Variants in FUT6 observed in about 807,000 individuals in gnomAD.
The protein encoded by FUT6 is fucosyltransferase 6, also known as 4-galactosyl-N-acetylglucosaminide 3-alpha-L-fucosyltransferase FUT6.
For synonymous variants in FUT6, 187 were observed against 209.9 expected (o/e 0.89, Z 0.94); for missense variants, 454 against 494.6 (o/e 0.92, Z 0.78).
intron 2 of FUT6, among the ~76,000 whole-genome samples, chr19:5,833,064 G>A (rs2057129173): frequency 6.6e-6 from 1 of 152,206 alleles, no homozygotes; most frequent in African/African-American, 2.4e-5. Flanking sequence ...GGTGCTCCTG[G>A]CAGAGGAAAC....
In FUT6 at chr19:5,830,773, A is replaced by C; in HGVS notation, c.*715T>G. The C allele has an allele frequency of 6.1e-6, 1 of 165,084 alleles. No individual in the cohort carries two copies. Among genetic ancestry groups the C allele is most frequent in the South Asian group, 1.5e-4 (1 of 6,766 alleles). 10.2% of individuals were successfully genotyped at this position (165,084 alleles called of 1,614,324 possible). ...AGGCATGCACCACCACGCCCGGCAA[A>C]TTTTTGTATTTTTAGTAGAGACGGG... On this transcript the variant is annotated 3_prime_UTR_variant, in exon 3 of 3. Transcript: ENST00000318336.
rs1213273365 is a variant in FUT6, at chr19:5,832,438, A to G, written c.130T>C (p.Tyr44His). Residue 44 changes from tyrosine (Y) to histidine (H), a missense_variant, in exon 3 of 3, where the codon TAC (tyrosine) becomes CAC (histidine). Physicochemically the swap from Tyr to His is moderately conservative, Grantham distance 83. Transcript: ENST00000318336. The surrounding 1 kb of genome is among the most constrained non-coding windows in gnomAD (Gnocchi z 4.3). ...TCTGGGAAGCGGGACCCATTAGGGT[A>G]CACAGTGGGATCGTCTTGAGACACA... is the stretch of plus-strand genomic sequence containing the variant. ...LRVSQDDPTV[Y>H]PNGSRFPDST... is the part of the protein sequence containing the mutation. The G allele has an allele frequency of 1.2e-6, 2 of 1,613,990 alleles. No individual in the cohort carries two copies. Among genetic ancestry groups the G allele is most frequent in the African/African-American group, 2.7e-5 (2 of 75,018 alleles).
intron 1 of FUT6, among the ~76,000 whole-genome samples, chr19:5,837,223 A>G (rs970618530): frequency 2.6e-5 from 4 of 151,736 alleles, no homozygotes; most frequent in African/African-American, 9.7e-5. Context: ...TTTTTAGTAG[A>G]GATGGAGTTT....
In FUT6 at chr19:5,831,580, A is replaced by G; in HGVS notation, c.988T>C (p.Phe330Leu). Residue 330 changes from phenylalanine (F) to leucine (L), a missense_variant, in exon 3 of 3, where the codon TTC becomes CTC. Phe to Leu is a conservative substitution (Grantham distance 22). Transcript: ENST00000318336. This position sits in a 1 kb window ranked among gnomAD's most constrained non-coding sequence, Gnocchi z 7.0. The stretch of plus-strand genomic sequence containing the variant: ...TTGCAGAAAGCGAGTGCCCAGCTGA[A>G]GGAGCGAGGCCGCAGCGTCTCCCGC... The part of the protein sequence containing the change: ...RWRETLRPRS[F>L]SWALAFCKAC... 1.2e-6 allele frequency: 2 copies of G among 1,614,130 alleles called. No homozygotes were observed. Among genetic ancestry groups the G allele is most frequent in the Non-Finnish European group, 1.7e-6 (2 of 1,180,014 alleles).
intron 1 of FUT6, among the ~76,000 whole-genome samples, chr19:5,837,377 C>A (rs1337937460): frequency 6.6e-6 from 1 of 151,714 alleles, no homozygotes; most frequent in Non-Finnish European, 1.5e-5. Flanking sequence ...GTAGTTATGA[C>A]AGACATTGAA....
At chr19:5,833,159 G>A (rs2144796610) in intron 2 of FUT6, among the ~76,000 whole-genome samples, 1 of 152,234 alleles carries the variant, frequency 6.6e-6, no homozygotes, top group East Asian at 1.9e-4. Flanking sequence ...CCAGTGTCGA[G>A]TTCATATTAG....
chr19:5,835,656 C>T (rs62105961), intron 1 of FUT6, among the ~76,000 whole-genome samples: 2 of 152,064 alleles, frequency 1.3e-5, no homozygotes, highest in African/African-American at 4.8e-5. Context: ...GCCTGTAATG[C>T]CAGCTACTCG....
rs373329854 is a variant in FUT6 at position 5,832,281 on chromosome 19, C to T, written c.287G>A (p.Arg96His). ...CGCGTCTGCCTGTGGATACACCTTGCGGTCGGCAGTGATGTTGCAGTCAGC... is the reference window on the plus strand; with the variant it reads ...CGCGTCTGCCTGTGGATACACCTTGTGGTCGGCAGTGATGTTGCAGTCAGC... ...GTADCNITAD[R>H]KVYPQADAVI... The change falls in exon 3 of 3, where the codon CGC (arginine) becomes CAC (histidine). Residue 96 changes from arginine to histidine, a missense_variant. Coordinates refer to ENST00000318336, the MANE Select transcript of FUT6 (RefSeq NM_000150.4). The surrounding 1 kb of genome is among the most constrained non-coding windows in gnomAD (Gnocchi z 4.3). 45 of 1,613,804 alleles carry T rather than the reference C, an allele frequency of 2.8e-5. No homozygotes were observed. The highest frequency in any genetic ancestry group is 3.4e-5 in the Non-Finnish European group (40 of 1,180,016).
rs1340122249 is a variant in FUT6 at position 5,839,166 on chromosome 19, A to T, written c.-630T>A. The T allele has an allele frequency of 6.6e-6, 1 of 152,156 alleles. No individual in the cohort carries two copies. The highest frequency in any genetic ancestry group is 1.5e-5 in the Non-Finnish European group (1 of 68,032). 9.4% of individuals were successfully genotyped at this position (152,156 alleles called of 1,614,324 possible). A position where few individuals can be genotyped will look rare whatever the true frequency, so the allele number is the denominator to read the frequency against. On this transcript the variant is annotated 5_prime_UTR_variant, in exon 1 of 3. The change creates a new upstream start codon in the 5' untranslated region. Transcript: ENST00000318336. The stretch of plus-strand genomic sequence containing the variant: ...TTCTCACTCAGTTGGCCCATCACCA[A>T]ATATTTCCTGAGCACTAAGTGCCAG...
intron 2 of FUT6, among the ~76,000 whole-genome samples, chr19:5,833,156 C>G (rs947332977): frequency 6.6e-6 from 1 of 152,150 alleles, no homozygotes; most frequent in Non-Finnish European, 1.5e-5. Flanking sequence ...CTGCCAGTGT[C>G]GAGTTCATAT....
In FUT6 at chr19:5,832,873, C is replaced by A; in HGVS notation, c.-12-294G>T. 2 of 448,916 alleles carry A rather than the reference C, an allele frequency of 4.5e-6. No homozygotes were observed. Among genetic ancestry groups the A allele is most frequent in the Non-Finnish European group, 8.1e-6 (2 of 245,978 alleles). The allele number at this position is 448,916 out of a possible 1,614,324, so 27.8% of individuals were successfully genotyped here. A position where few individuals can be genotyped will look rare whatever the true frequency, so the allele number is the denominator to read the frequency against. On this transcript the variant is annotated intron_variant, in intron 2 of 2. Transcript: ENST00000318336. The surrounding 1 kb of genome is among the most constrained non-coding windows in gnomAD (Gnocchi z 4.3). ...CCTCAGGTCCCACCTTGATCCTGTC[C>A]TTTTCTGGTGTGTCCCCAGACTCTT...
rs989883475 is a variant in FUT6 at position 5,830,954 on chromosome 19, A to C, written c.*534T>G. The C allele has an allele frequency of 1.5e-5, 5 of 337,108 alleles. No individual in the cohort carries two copies. Among genetic ancestry groups the C allele is most frequent in the Admixed American group, 1.3e-4 (3 of 23,718 alleles). The allele number at this position is 337,108 out of a possible 1,614,324, so 20.9% of individuals were successfully genotyped here. A position where few individuals can be genotyped will look rare whatever the true frequency, so the allele number is the denominator to read the frequency against. On this transcript the variant is annotated 3_prime_UTR_variant, in exon 3 of 3. Coordinates refer to ENST00000318336, the MANE Select transcript of FUT6 (RefSeq NM_000150.4). ...TACATCTGGAAACGGTGCGGTGATTATCTCTCTGCACCCCTCACAGGCGGC... is the reference window on the plus strand; with the variant it reads ...TACATCTGGAAACGGTGCGGTGATTCTCTCTCTGCACCCCTCACAGGCGGC...
In FUT6 at chr19:5,839,182, TA is replaced by T. The variant is rs1381544435; in HGVS notation, c.-647del. 2.6e-5 allele frequency: 4 copies of T among 152,130 alleles called. No individual in the cohort carries two copies. The highest frequency in any genetic ancestry group is 6.6e-5 in the Admixed American group (1 of 15,266). 9.4% of individuals were successfully genotyped at this position (152,130 alleles called of 1,614,324 possible). A position where few individuals can be genotyped will look rare whatever the true frequency, so the allele number is the denominator to read the frequency against. On this transcript the variant is annotated 5_prime_UTR_variant, in exon 1 of 3. It removes the in-frame stop codon of an upstream open reading frame in the 5' UTR. Transcript: ENST00000318336. ...CCATCACCAAATATTTCCTGAGCAC[TA>T]AGTGCCAGGCCAAGGGATCTTGCAG...
chr19:5,830,832 C>A lies in FUT6; in HGVS notation c.*656G>T, dbSNP rs1415474600. On this transcript the variant is annotated 3_prime_UTR_variant, in exon 3 of 3. Transcript: ENST00000318336. ...TATTGGCCAGGATGGTCTCGATCTCCTGACCTTGTGATCCGCCTGCCTCGG... is the reference window on the plus strand; with the variant it reads ...TATTGGCCAGGATGGTCTCGATCTCATGACCTTGTGATCCGCCTGCCTCGG... 4.9e-6 allele frequency: 1 copy of A among 204,376 alleles called. No homozygotes were observed. The highest frequency in any genetic ancestry group is 2.3e-5 in the African/African-American group (1 of 43,360). The allele number at this position is 204,376 out of a possible 1,614,324, so 12.7% of individuals were successfully genotyped here.
chr19:5,831,254 G>A lies in FUT6; in HGVS notation c.*234C>T. The A allele has an allele frequency of 2.2e-6, 2 of 918,694 alleles. No individual in the cohort carries two copies. 56.9% of individuals were successfully genotyped at this position (918,694 alleles called of 1,614,324 possible). ...TGGAAGCCAGCATGTGAAATCCCAG[G>A]TAAGGGACATACCTGGCCACCGAAG... On this transcript the variant is annotated 3_prime_UTR_variant, in exon 3 of 3. Transcript: ENST00000318336. This position sits in a 1 kb window ranked among gnomAD's most constrained non-coding sequence, Gnocchi z 7.0.
chr19:5,836,845 AAAAT>A (rs145275499), intron 1 of FUT6, among the ~76,000 whole-genome samples: 46,227 of 150,970 alleles, frequency 0.31, 7,367 homozygotes, highest in East Asian at 0.46. Flanking sequence ...ACCGTGTCTC[AAAAT>A]AAATAAATAA....
At position 5,831,812 on chromosome 19, in the gene FUT6, G is replaced by A. The variant is rs200051257; in HGVS notation, c.756C>T (p.Pro252=). 6.8e-6 allele frequency: 11 copies of A among 1,613,792 alleles called. No individual in the cohort carries two copies. Among genetic ancestry groups the A allele is most frequent in the Admixed American group, 6.7e-5 (4 of 59,994 alleles). The part of the protein sequence containing the change: ...FYLAFENSLH[P]DYITEKLWRN... The stretch of plus-strand genomic sequence containing the variant: ...TCCACAGCTTCTCGGTGATGTAGTC[G>A]GGGTGCAAGGAGTTCTCGAAGGCCA... The change falls in exon 3 of 3, where the codon CCC becomes CCT. Residue 252 remains proline, a synonymous_variant. Coordinates refer to ENST00000318336, the MANE Select transcript of FUT6 (RefSeq NM_000150.4). The surrounding 1 kb of genome is among the most constrained non-coding windows in gnomAD (Gnocchi z 7.0).
At position 5,832,348 on chromosome 19, in the gene FUT6, G is replaced by A. The variant is rs1280268030; in HGVS notation, c.220C>T (p.Pro74Ser). The A allele has an allele frequency of 1.2e-6, 2 of 1,613,958 alleles. No homozygotes were observed. Among genetic ancestry groups the A allele is most frequent in the Non-Finnish European group, 1.7e-6 (2 of 1,180,026 alleles). ...TCTGAGCAGCGGGGCAGAGCTATGG[G>A]TTTGTTAAAAGGCCACGTCCACAGC... Reference protein sequence around the residue: ...ILLWTWPFNKPIALPRCSEMV... With the variant: ...ILLWTWPFNKSIALPRCSEMV... Residue 74 changes from proline to serine, a missense_variant, in exon 3 of 3, where the codon CCC (proline) becomes TCC (serine). Pro to Ser is a moderately conservative substitution (Grantham distance 74). Coordinates refer to ENST00000318336, the MANE Select transcript of FUT6 (RefSeq NM_000150.4). This position sits in a 1 kb window ranked among gnomAD's most constrained non-coding sequence, Gnocchi z 4.3.
chr19:5,831,463 G>C lies in FUT6; in HGVS notation c.*25C>G. The C allele has an allele frequency of 6.2e-7, 1 of 1,613,752 alleles. No individual in the cohort carries two copies. The highest frequency in any genetic ancestry group is 8.5e-7 in the Non-Finnish European group (1 of 1,180,030). On this transcript the variant is annotated 3_prime_UTR_variant, in exon 3 of 3. Coordinates refer to ENST00000318336, the MANE Select transcript of FUT6 (RefSeq NM_000150.4). This position sits in a 1 kb window ranked among gnomAD's most constrained non-coding sequence, Gnocchi z 7.0. ...AGGCCCCAGGAAAATGAGGTTCCTG[G>C]CAGCCCAGGCCCCACACCAGCCTCT...
Sources: allele counts gnomAD v4.1 joint callset (sites outside exome capture counted in the v4.1 genomes callset), GRCh38; gene constraint gnomAD v4.1.1; non-coding constraint Gnocchi (gnomAD v3.1); transcripts MANE v1.5; gene names NCBI Gene and HGNC (gene_info 2026-07-23, HGNC 2026-07-21).